TOP1: variants seen among roughly 807,000 people sequenced by gnomAD.
The protein encoded by TOP1 is DNA topoisomerase I.
A neutral mutation model predicts 111.1 loss-of-function variants in TOP1; 10 were observed. The observed-to-expected ratio is 0.09, with a 90% confidence interval of 0.06 to 0.15. The LOEUF (loss-of-function observed/expected upper bound fraction) is 0.15, where lower values mean the gene tolerates loss of function less well. Among genes scored for constraint, TOP1 ranks in the 10% least tolerant of loss-of-function variants. The pLI, the probability that TOP1 is intolerant of heterozygous loss-of-function variation, is 1.00. For synonymous variants in TOP1, 271 were observed against 302.9 expected (o/e 0.89, Z 1.10); for missense variants, 474 against 926.7 (o/e 0.51, Z 6.34).
rs1401503071 is a variant in TOP1 at position 41,061,285 on chromosome 20, A to G, written c.59-109A>G. 1.9e-6 allele frequency: 2 copies of G among 1,051,884 alleles called. No individual in the cohort carries two copies. Among genetic ancestry groups the G allele is most frequent in the African/African-American group, 1.6e-5 (1 of 63,398 alleles). 65.2% of individuals were successfully genotyped at this position (1,051,884 alleles called of 1,614,324 possible). ...TTCAGTGGCATGTGCTATTATGCCT[A>G]CCATGCCATTTGAATCCTGTCATTG... On this transcript the variant is annotated intron_variant, in intron 2 of 20. Transcript: ENST00000361337. The surrounding 1 kb of genome is among the most constrained non-coding windows in gnomAD (Gnocchi z 4.6).
At chr20:41,091,552 CTT>C (rs532948716) in intron 8 of TOP1, among the ~76,000 whole-genome samples, 9 of 96,218 alleles carry the variant, frequency 9.4e-5, no homozygotes, top group East Asian at 7.4e-4. Context: ...AATTATTAAC[CTT>C]TTTTTTTTTT....
chr20:41,097,110 A>T lies in TOP1; in HGVS notation c.731-110A>T. On this transcript the variant is annotated intron_variant, in intron 9 of 20. Coordinates refer to ENST00000361337, the MANE Select transcript of TOP1 (RefSeq NM_003286.4). This position sits in a 1 kb window ranked among gnomAD's most constrained non-coding sequence, Gnocchi z 4.2. ...TGCTACTATGTGTCACCAGACCTTT[A>T]TATACCATGAGAAGGCAAACCATTA... 8.4e-7 allele frequency: 1 copy of T among 1,189,530 alleles called. No homozygotes were observed. Among genetic ancestry groups the T allele is most frequent in the Non-Finnish European group, 1.2e-6 (1 of 849,910 alleles). The allele number at this position is 1,189,530 out of a possible 1,614,324, so 73.7% of individuals were successfully genotyped here.
intron 3 of TOP1, among the ~76,000 whole-genome samples, chr20:41,066,003 C>T (rs1328095390): frequency 6.6e-6 from 1 of 152,114 alleles, no homozygotes; most frequent in Admixed American, 6.5e-5. Context: ...TGAACAGTAT[C>T]ATCTGAGGAG....
At chr20:41,073,614 G>T (rs2145933453) in intron 3 of TOP1, among the ~76,000 whole-genome samples, 1 of 152,252 alleles carries the variant, frequency 6.6e-6, no homozygotes, top group Admixed American at 6.5e-5. Flanking sequence ...AGTGGAGGCT[G>T]CTCTGAACTT....
chr20:41,079,928 T>C lies in TOP1; in HGVS notation c.336-157T>C, dbSNP rs2033769811. Among the ~76,000 whole-genome samples the C allele has an allele frequency of 6.6e-6, 1 of 152,234 alleles. No homozygotes were observed. The highest frequency in any genetic ancestry group is 1.9e-4 in the East Asian group (1 of 5,196). On this transcript the variant is annotated intron_variant, in intron 5 of 20. Transcript: ENST00000361337. The surrounding 1 kb of genome is among the most constrained non-coding windows in gnomAD (Gnocchi z 4.0). Reference sequence around the variant, plus strand: ...ACAAATACTATCTACTTCACAGGATTGAAGTGAGAAAAAGTGCTCACAGAA... The same window carrying C: ...ACAAATACTATCTACTTCACAGGATCGAAGTGAGAAAAAGTGCTCACAGAA...
In TOP1 at chr20:41,029,213, C is replaced by T; in HGVS notation, c.33+113C>T. The T allele has an allele frequency of 1.1e-6, 1 of 912,926 alleles. No individual in the cohort carries two copies. The highest frequency in any genetic ancestry group is 1.5e-6 in the Non-Finnish European group (1 of 663,618). The allele number at this position is 912,926 out of a possible 1,614,324, so 56.6% of individuals were successfully genotyped here. On this transcript the variant is annotated intron_variant, in intron 1 of 20. Transcript: ENST00000361337. This position sits in a 1 kb window ranked among gnomAD's most constrained non-coding sequence, Gnocchi z 6.1. ...CGGCAGCTTTGACAGGCCGGAGCCC[C>T]CGGTGAGGGGCCGCCTGCCGGAGTA...
rs916459391 is a variant in TOP1 at position 41,101,848 on chromosome 20, T to C, written c.1308+495T>C. ...CTTCCTGCAGTCTCATCTGGGTAGGTTCACCAGGGCCAAATGAAATGTGTG... is the reference window on the plus strand; with the variant it reads ...CTTCCTGCAGTCTCATCTGGGTAGGCTCACCAGGGCCAAATGAAATGTGTG... On this transcript the variant is annotated intron_variant, in intron 13 of 20. Coordinates refer to ENST00000361337, the MANE Select transcript of TOP1 (RefSeq NM_003286.4). The surrounding 1 kb of genome is among the most constrained non-coding windows in gnomAD (Gnocchi z 4.1). Among the ~76,000 whole-genome samples, 7 of 152,238 alleles carry C rather than the reference T, an allele frequency of 4.6e-5. No individual in the cohort carries two copies. Among genetic ancestry groups the C allele is most frequent in the African/African-American group, 1.7e-4 (7 of 41,454 alleles).
In TOP1 at chr20:41,029,900, C is replaced by T. The variant is rs2033096510; in HGVS notation, c.58+445C>T. 1 of 174,780 alleles carries T rather than the reference C, an allele frequency of 5.7e-6. No homozygotes were observed. Among genetic ancestry groups the T allele is most frequent in the Non-Finnish European group, 1.2e-5 (1 of 81,192 alleles). The allele number at this position is 174,780 out of a possible 1,614,324, so 10.8% of individuals were successfully genotyped here. ...AAAGCCGTATAAATCACATACTTCA[C>T]CAGAGAGGGAAGGCTGGGGGACTGA... On this transcript the variant is annotated intron_variant, in intron 2 of 20. Transcript: ENST00000361337. This position sits in a 1 kb window ranked among gnomAD's most constrained non-coding sequence, Gnocchi z 6.1.
At chr20:41,093,088 T>C (rs1331022422) in intron 9 of TOP1, among the ~76,000 whole-genome samples, 1 of 152,186 alleles carries the variant, frequency 6.6e-6, no homozygotes, top group Non-Finnish European at 1.5e-5. Flanking sequence ...AGCATAACAC[T>C]ATGCCTTTGA....
chr20:41,060,668 C>T (rs6102260), intron 2 of TOP1, among the ~76,000 whole-genome samples: 3,117 of 152,142 alleles, frequency 0.02, 100 homozygotes, highest in African/African-American at 0.07. Context: ...AGGACCACCC[C>T]ACCCCCTGTC....
intron 3 of TOP1, among the ~76,000 whole-genome samples, chr20:41,074,547 C>T (rs987307298): frequency 1.3e-5 from 2 of 151,870 alleles, no homozygotes; most frequent in Admixed American, 6.6e-5. Flanking sequence ...ATAGTGTGTC[C>T]TGTTTCTCCC....
rs2034226139 is a variant in TOP1, at chr20:41,110,861, G to A, written c.1309-1921G>A. ...TTGTTCAGGGCATTGAACACTGCAG[G>A]GACAAGCATACTTCTTGGAGGCCAG... On this transcript the variant is annotated intron_variant, in intron 13 of 20. Coordinates refer to ENST00000361337, the MANE Select transcript of TOP1 (RefSeq NM_003286.4). The surrounding 1 kb of genome is among the most constrained non-coding windows in gnomAD (Gnocchi z 4.2). Among the ~76,000 whole-genome samples, 1 of 152,148 alleles carries A rather than the reference G, an allele frequency of 6.6e-6. No individual in the cohort carries two copies. The highest frequency in any genetic ancestry group is 1.5e-5 in the Non-Finnish European group (1 of 68,034).
At chr20:41,065,904 A>T (rs1346855729) in intron 3 of TOP1, among the ~76,000 whole-genome samples, 3 of 152,102 alleles carry the variant, frequency 2.0e-5, no homozygotes, top group Non-Finnish European at 4.4e-5. Flanking sequence ...GAATTGCTAG[A>T]TCATGTCCAA....
At chr20:41,096,911 C>T (rs549225379) in intron 9 of TOP1, among the ~76,000 whole-genome samples, 69 of 152,162 alleles carry the variant, frequency 4.5e-4, no homozygotes, top group Non-Finnish European at 7.8e-4. Context: ...ACCCTGCTTG[C>T]TGAAAGGAAA....
intron 2 of TOP1, among the ~76,000 whole-genome samples, chr20:41,042,584 G>T (rs1359996882): frequency 1.3e-5 from 2 of 152,220 alleles, no homozygotes; most frequent in African/African-American, 4.8e-5. Context: ...GATTAAATTA[G>T]TTGGGGACTT....
Position 41,083,749 on chromosome 20 carries a change from T to A in TOP1, c.508-713T>A, listed in dbSNP as rs1048807237. 1.3e-5 allele frequency among the ~76,000 whole-genome samples: 2 copies of A among 152,226 alleles called. No homozygotes were observed. Among genetic ancestry groups the A allele is most frequent in the Non-Finnish European group, 2.9e-5 (2 of 68,026 alleles). ...AAAAGAGTTCAGATTCTGAGTGGGA[T>A]CTTCACTTGTTGAATATTACATTTT... On this transcript the variant is annotated intron_variant, in intron 7 of 20. Transcript: ENST00000361337. This position sits in a 1 kb window ranked among gnomAD's most constrained non-coding sequence, Gnocchi z 7.2.
In TOP1 at chr20:41,069,795, G is replaced by A. The variant is rs1049822673; in HGVS notation, c.156-6376G>A. On this transcript the variant is annotated intron_variant, in intron 3 of 20. Transcript: ENST00000361337. The surrounding 1 kb of genome is among the most constrained non-coding windows in gnomAD (Gnocchi z 4.1). ...ATTATATTTATCCCTATCATAGTACGCCATAATCATTGTTTTTAAGATTTC... is the reference window on the plus strand; with the variant it reads ...ATTATATTTATCCCTATCATAGTACACCATAATCATTGTTTTTAAGATTTC... Among the ~76,000 whole-genome samples, 2 of 152,216 alleles carry A rather than the reference G, an allele frequency of 1.3e-5. No homozygotes were observed. The highest frequency in any genetic ancestry group is 2.9e-5 in the Non-Finnish European group (2 of 67,992).
At chr20:41,105,970 T>A (rs1555806943) in intron 13 of TOP1, among the ~76,000 whole-genome samples, 1 of 123,792 alleles carries the variant, frequency 8.1e-6, no homozygotes. Flanking sequence ...TCCTCCTCCC[T>A]CCCCTCCCAC....
At chr20:41,047,497 C>T (rs1450273382) in intron 2 of TOP1, among the ~76,000 whole-genome samples, 1 of 152,154 alleles carries the variant, frequency 6.6e-6, no homozygotes, top group East Asian at 1.9e-4. Context: ...ATGACAAAAT[C>T]GCCTAATGAC....
Sources: gnomAD v4.1 joint callset for allele counts (sites outside exome capture counted in the v4.1 genomes callset) on GRCh38, gnomAD v4.1.1 for gene constraint, Gnocchi (gnomAD v3.1) non-coding constraint, MANE v1.5 for transcripts, NCBI Gene and HGNC (gene_info 2026-07-23, HGNC 2026-07-21) for gene names.